The following RSU1 variants were observed in gnomAD, a reference collection of about 807,000 sequenced individuals.
RSU1 encodes Ras suppressor protein 1.
RSU1 carries 26 observed loss-of-function variants against 31.1 expected under a neutral mutation model. That is an observed-to-expected ratio of 0.84 (90% CI 0.61 to 1.16). The LOEUF is 1.16. Ranked by LOEUF, RSU1 falls within the 50% of genes most tolerant of loss-of-function variation. The pLI, the probability that RSU1 is intolerant of heterozygous loss-of-function variation, is 0.00. For missense variants in RSU1, 320 were observed against 339.1 expected (o/e 0.94, Z 0.44); for synonymous variants, 164 against 136.3 (o/e 1.20, Z -1.41).
intron 2 of RSU1, among the ~76,000 whole-genome samples, chr10:16,814,717 A>T (rs1314755401): frequency 6.6e-6 from 1 of 152,184 alleles, no homozygotes; most frequent in Non-Finnish European, 1.5e-5. Context: ...ATTCACTTCC[A>T]CCCAACTTCC....
intron 8 of RSU1, among the ~76,000 whole-genome samples, chr10:16,632,450 G>C (rs1433241590): frequency 2.0e-5 from 3 of 152,084 alleles, no homozygotes; most frequent in African/African-American, 4.8e-5. Flanking sequence ...TACAAAACCC[G>C]AGAGACCTTT....
chr10:16,721,328 G>T (rs1836257324), intron 7 of RSU1: 1 of 152,378 alleles, frequency 6.6e-6, no homozygotes, highest in Non-Finnish European at 1.5e-5. Context: ...AGGGAAGCAG[G>T]GGAGATGAGT....
chr10:16,676,204 A>G (rs1051929646), intron 8 of RSU1, among the ~76,000 whole-genome samples: 1 of 152,244 alleles, frequency 6.6e-6, no homozygotes, highest in Non-Finnish European at 1.5e-5. Context: ...GCTATGAAGA[A>G]ATACCCACGA....
At chr10:16,611,816 CGA>C (rs949181718) in intron 8 of RSU1, among the ~76,000 whole-genome samples, 1 of 152,072 alleles carries the variant, frequency 6.6e-6, no homozygotes, top group African/African-American at 2.4e-5. Flanking sequence ...TTCCAGAGAG[CGA>C]GAGAGAGTGA....
At chr10:16,637,244 T>C (rs532867867) in intron 8 of RSU1, among the ~76,000 whole-genome samples, 1 of 152,216 alleles carries the variant, frequency 6.6e-6, no homozygotes, top group Non-Finnish European at 1.5e-5. Flanking sequence ...TCCACAGTTA[T>C]CTGTTAATTC....
chr10:16,633,735 C>T (rs1834295266), intron 8 of RSU1, among the ~76,000 whole-genome samples: 1 of 152,186 alleles, frequency 6.6e-6, no homozygotes, highest in Non-Finnish European at 1.5e-5. Flanking sequence ...GTCTTAACTC[C>T]ACGATTCCAT....
intron 8 of RSU1, among the ~76,000 whole-genome samples, chr10:16,688,828 C>T (rs1835488241): frequency 6.7e-6 from 1 of 148,160 alleles, no homozygotes; most frequent in East Asian, 1.9e-4. Context: ...TAGCAAGACC[C>T]CCAGTCTCCA....
At chr10:16,773,082 C>T (rs1837454648) in intron 3 of RSU1, among the ~76,000 whole-genome samples, 1 of 151,962 alleles carries the variant, frequency 6.6e-6, no homozygotes, top group South Asian at 2.1e-4. Context: ...TGCCTGCAGT[C>T]CTAGCTACTC....
chr10:16,805,207 A>AAAT (rs542547588), intron 2 of RSU1, among the ~76,000 whole-genome samples: 3,800 of 151,592 alleles, frequency 0.025, 49 homozygotes, highest in Non-Finnish European at 0.036. Flanking sequence ...ACTCCATCTC[A>AAAT]AATAATAATA....
chr10:16,677,461 A>T (rs1266011354), intron 8 of RSU1, among the ~76,000 whole-genome samples: 1 of 152,178 alleles, frequency 6.6e-6, no homozygotes, highest in Non-Finnish European at 1.5e-5. Context: ...GGAAGTTGGG[A>T]GTAGCTGACT....
At chr10:16,809,672 T>C (rs1282868956) in intron 2 of RSU1, among the ~76,000 whole-genome samples, 1 of 152,216 alleles carries the variant, frequency 6.6e-6, no homozygotes, top group African/African-American at 2.4e-5. Flanking sequence ...AAAAGTCATC[T>C]CTAGTCTTTT....
At chr10:16,730,116 A>AGGGCAAGACGC (rs1836478722) in intron 7 of RSU1, among the ~76,000 whole-genome samples, 1 of 152,140 alleles carries the variant, frequency 6.6e-6, no homozygotes, top group African/African-American at 2.4e-5. Context: ...GAGAGGATGG[A>AGGGCAAGACGC]GGGCAAGACG....
chr10:16,755,279 C>T (rs1321642032), intron 4 of RSU1, among the ~76,000 whole-genome samples: 2 of 152,150 alleles, frequency 1.3e-5, no homozygotes, highest in East Asian at 3.9e-4. Flanking sequence ...CACGCCACCA[C>T]GCCCTGCTAA....
chr10:16,604,872 C>T (rs547792936), intron 8 of RSU1, among the ~76,000 whole-genome samples: 1 of 152,148 alleles, frequency 6.6e-6, no homozygotes, highest in Admixed American at 6.5e-5. Context: ...ACAGGCCTCA[C>T]ATGGGAGCTC....
At chr10:16,638,104 A>T (rs796863920) in intron 8 of RSU1, among the ~76,000 whole-genome samples, 10 of 152,232 alleles carry the variant, frequency 6.6e-5, no homozygotes, top group African/African-American at 2.4e-4. Flanking sequence ...ACTTTTTCAT[A>T]TATTTTGATT....
chr10:16,814,465 A>AG (rs386370809), intron 2 of RSU1, among the ~76,000 whole-genome samples: 3 of 145,742 alleles, frequency 2.1e-5, no homozygotes, highest in Non-Finnish European at 4.4e-5. Flanking sequence ...AAAAAAAAAA[A>AG]AAAGAAAAAA....
intron 8 of RSU1, among the ~76,000 whole-genome samples, chr10:16,605,250 T>C (rs1833783086): frequency 6.6e-6 from 1 of 152,172 alleles, no homozygotes; most frequent in Non-Finnish European, 1.5e-5. Flanking sequence ...ACACTTTCTA[T>C]CTTTGACTAC....
At chr10:16,756,251 G>C (rs1285601953) in intron 4 of RSU1, among the ~76,000 whole-genome samples, 1 of 152,062 alleles carries the variant, frequency 6.6e-6, no homozygotes, top group East Asian at 1.9e-4. Flanking sequence ...GAAAATTCTG[G>C]GGATTGGCTG....
chr10:16,616,528 T>C (rs936190958), intron 8 of RSU1, among the ~76,000 whole-genome samples: 5 of 152,152 alleles, frequency 3.3e-5, no homozygotes, highest in African/African-American at 9.7e-5. Flanking sequence ...GCCAGCATCA[T>C]GCTAATACCA....
Sources: allele counts gnomAD v4.1 joint callset (sites outside exome capture counted in the v4.1 genomes callset), GRCh38; gene constraint gnomAD v4.1.1; transcripts MANE v1.5; gene names NCBI Gene and HGNC (gene_info 2026-07-23, HGNC 2026-07-21).